Variants in TTN observed in about 807,000 individuals in gnomAD.
The protein encoded by TTN is titin.
In TTN, 1,525 loss-of-function variants were observed where a neutral mutation model predicts 3,223.0. The observed-to-expected ratio is 0.47, with a 90% confidence interval of 0.45 to 0.49. The LOEUF (loss-of-function observed/expected upper bound fraction) is 0.49. TTN is among the 20% of genes least tolerant of loss of function. The probability of loss-of-function intolerance (pLI) is 0.00; values close to 1 mark genes in which losing one functional copy is unlikely to be tolerated. For synonymous variants in TTN, 14,094 were observed against 15,161.0 expected (o/e 0.93, Z 5.17); for missense variants, 40,786 against 43,424.0 (o/e 0.94, Z 5.40).
Position 178,794,616 on chromosome 2 carries a change from C to T in TTN, c.1246-65G>A, listed in dbSNP as rs899982866. ...ACATGCCCAGTAGAAAATAAAAAAG[C>T]ATACTGGAAAACTGAGCCACCTAGA... is the stretch of plus-strand genomic sequence containing the variant. On this transcript the variant is annotated intron_variant, in intron 7 of 362. Transcript: ENST00000589042. The T allele has an allele frequency of 2.5e-6, 4 of 1,606,860 alleles. No homozygotes were observed. In the African/African-American group the frequency reaches 5.3e-5, roughly 21 times the overall value.
Position 178,634,293 on chromosome 2 carries a change from T to C in TTN, c.42415+73A>G. The C allele has an allele frequency of 3.2e-6, 5 of 1,544,798 alleles. No homozygotes were observed. The African/African-American group carries it at 7.0e-5, about 21-fold the overall frequency. On this transcript the variant is annotated intron_variant, in intron 230 of 362. Coordinates refer to ENST00000589042, the MANE Select transcript of TTN (RefSeq NM_001267550.2). The surrounding 1 kb of genome is among the most constrained non-coding windows in gnomAD (Gnocchi z 4.6). ...GATGCATTATCACAGCTTTTAGAAC[T>C]TGGCGTCCTATCTTTAAAGTCATAT...
rs561588883 is a variant in TTN at position 178,565,146 on chromosome 2, G to A, written c.80986C>T (p.Pro26996Ser). ...SADFVVISWE[P>S]PAYTGGCQIS... is the part of the protein sequence containing the mutation. ...TGGCAGCCACCAGTATAGGCTGGAG[G>A]TTCCCAAGATATGACTACAAAGTCT... Residue 26996 changes from proline (P) to serine (S), a missense_variant, in exon 326 of 363, where the codon CCT becomes TCT. Transcript: ENST00000589042. 2 of 1,613,366 alleles carry A rather than the reference G, an allele frequency of 1.2e-6. No individual in the cohort carries two copies. Among genetic ancestry groups the A allele is most frequent in the Non-Finnish European group, 8.5e-7 (1 of 1,179,564 alleles).
In TTN at chr2:178,595,348, A is replaced by G. The variant is rs575984427; in HGVS notation, c.57847+159T>C. 3.4e-4 allele frequency among the ~76,000 whole-genome samples: 51 copies of G among 152,202 alleles called. No individual in the cohort carries two copies. The South Asian group carries it at 0.011, about 32-fold the overall frequency. ...TATTTGTAAAATCTCTTTCACAATC[A>G]CTGTCCAAATACTACCAAATCAGAT... On this transcript the variant is annotated intron_variant, in intron 295 of 362. Coordinates refer to ENST00000589042, the MANE Select transcript of TTN (RefSeq NM_001267550.2).
rs543197876 is a variant in TTN, at chr2:178,712,032, C to G, written c.27798G>C (p.Gln9266His). The change falls in exon 96 of 363, where the codon CAG becomes CAC. Residue 9266 changes from glutamine to histidine, a missense_variant. By Grantham distance (24) the Gln-to-His change is conservative. Coordinates refer to ENST00000589042, the MANE Select transcript of TTN (RefSeq NM_001267550.2). ...ATTCTCCACTATCATTAATATCAAC[C>G]TGGTTGAAAACCAGTGTAGCAACAT... is the stretch of plus-strand genomic sequence containing the variant. ...RNNVATLVFN[Q>H]VDINDSGEYI... 4.3e-6 allele frequency: 7 copies of G among 1,613,776 alleles called. No homozygotes were observed. Among genetic ancestry groups the G allele is most frequent in the Non-Finnish European group, 5.9e-6 (7 of 1,179,762 alleles).
At chr2:178,641,370 A>G (rs2061212109) in intron 219 of TTN, 55 bp from the exon 220 acceptor site, 1 of 1,047,598 alleles carries the variant, frequency 9.5e-7, no homozygotes, top group Admixed American at 3.2e-5. Context: ...GAAGATGTTG[A>G]ATAAGCTTGA....
rs2076897331 is a variant in TTN at position 178,713,074 on chromosome 2, T to G, written c.27049+11A>C. The G allele has an allele frequency of 6.2e-7, 1 of 1,610,716 alleles. No homozygotes were observed. Among genetic ancestry groups the G allele is most frequent in the Admixed American group, 1.7e-5 (1 of 59,902 alleles). The stretch of plus-strand genomic sequence containing the variant: ...TGAAATGCAATTCATTTTACTGTTT[T>G]GTAAACTGACCTCTCACAGTCAAAG... On this transcript the variant is annotated intron_variant, in intron 93 of 362. Coordinates refer to ENST00000589042, the MANE Select transcript of TTN (RefSeq NM_001267550.2).
In TTN at chr2:178,558,397, G is replaced by A. The variant is rs1702326803; in HGVS notation, c.87062C>T (p.Ala29021Val). The A allele has an allele frequency of 1.2e-6, 2 of 1,613,736 alleles. No homozygotes were observed. The highest frequency in any genetic ancestry group is 4.5e-5 in the East Asian group (2 of 44,774). The change falls in exon 327 of 363, where the codon GCT becomes GTT. Residue 29021 changes from alanine (A) to valine (V), a missense_variant. Physicochemically the swap from Ala to Val is moderately conservative, Grantham distance 64 (BLOSUM62 0). Transcript: ENST00000589042. ...YFFRVFAENQ[A>V]GLSDPRELLL... is the part of the protein sequence containing the mutation. ...AAGCTCTCTCGGGTCACTCAGGCCAGCTTGATTTTCAGCAAACACTCGGAA... is the reference window on the plus strand; with the variant it reads ...AAGCTCTCTCGGGTCACTCAGGCCAACTTGATTTTCAGCAAACACTCGGAA...
Position 178,551,271 on chromosome 2 carries a change from A to G in TTN, c.91271-11T>C. 6.2e-7 allele frequency: 1 copy of G among 1,605,092 alleles called. No individual in the cohort carries two copies. Among genetic ancestry groups the G allele is most frequent in the South Asian group, 1.1e-5 (1 of 89,244 alleles). ...GAGTGCCAGGTGGGTCTAAAAAATT[A>G]TAAGGAAGGTAAATGCATCATTACA... On this transcript the variant is annotated splice_polypyrimidine_tract_variant and intron_variant, in intron 335 of 362. Transcript: ENST00000589042.
Position 178,669,365 on chromosome 2 carries a change from A to G in TTN, c.35545+8T>C. On this transcript the variant is annotated splice_region_variant and intron_variant, in intron 159 of 362. Coordinates refer to ENST00000589042, the MANE Select transcript of TTN (RefSeq NM_001267550.2). Reference sequence around the variant, plus strand: ...ACGAAAAAGAACCACTAATTTTTCTACACTCACTGTACATCTCTGTGTCTT... The same window carrying G: ...ACGAAAAAGAACCACTAATTTTTCTGCACTCACTGTACATCTCTGTGTCTT... 4 of 1,521,720 alleles carry G rather than the reference A, an allele frequency of 2.6e-6. No homozygotes were observed. Among genetic ancestry groups the G allele is most frequent in the Non-Finnish European group, 2.6e-6 (3 of 1,143,542 alleles). The allele number at this position is 1,521,720 out of a possible 1,614,324, so 94.3% of individuals were successfully genotyped here.
chr2:178,669,814 T>C lies in TTN; in HGVS notation c.35387-139A>G, dbSNP rs138631296. The C allele has an allele frequency of 8.2e-5, 66 of 806,420 alleles. No individual in the cohort carries two copies. In the East Asian group the frequency reaches 1.5e-3, roughly 18 times the overall value. The allele number at this position is 806,420 out of a possible 1,614,324, so 50.0% of individuals were successfully genotyped here. ...GTCAACTATAAGTCAAATGTAGTCA[T>C]TGCATTTCTCTGAATTGCTTTGTCG... On this transcript the variant is annotated intron_variant, in intron 157 of 362. Transcript: ENST00000589042.
intron 315 of TTN, 21 bp from the exon 316 acceptor site, chr2:178,581,825 G>T (rs776899356): frequency 6.3e-7 from 1 of 1,594,920 alleles, no homozygotes; most frequent in Non-Finnish European, 8.5e-7. Flanking sequence ...ATAATGATAG[G>T]AAATTTTCAT....
rs753536718 is a variant in TTN at position 178,774,094 on chromosome 2, G to C, written c.7074C>G (p.Ile2358Met). The part of the protein sequence containing the change: ...KLKMKPRPIA[I>M]LQGLSDQKVC... The stretch of plus-strand genomic sequence containing the variant: ...CTTTTTGGTCACTAAGTCCTTGTAG[G>C]ATAGCAATGGGGCGGGCTGTGAAAT... The change falls in exon 31 of 363, where the codon ATC becomes ATG. Residue 2358 changes from isoleucine (I) to methionine (M), a missense_variant. Physicochemically the swap from Ile to Met is conservative, Grantham distance 10. Transcript: ENST00000589042. The C allele has an allele frequency of 6.2e-7, 1 of 1,614,040 alleles. No homozygotes were observed. Among genetic ancestry groups the C allele is most frequent in the South Asian group, 1.1e-5 (1 of 91,078 alleles).
intron 131 of TTN, 39 bp downstream of exon 131, chr2:178,684,627 C>G: frequency 2.5e-6 from 4 of 1,577,038 alleles, no homozygotes; most frequent in Non-Finnish European, 3.5e-6. Flanking sequence ...AAAGACAAGC[C>G]ATATGTTCCT....
At chr2:178,730,021 T>TCCCCCCCCCCCGCCCCC in intron 62 of TTN, 72 bp downstream of exon 62, 3 of 1,558,116 alleles carry the variant, frequency 1.9e-6, no homozygotes, top group African/African-American at 1.4e-5. Flanking sequence ...GTCTTAAGCG[T>TCCCCCCCCCCCGCCCCC]CCCCCGCCCC....
chr2:178,550,240 A>T lies in TTN; in HGVS notation c.91598T>A (p.Phe30533Tyr). 1 of 1,613,330 alleles carries T rather than the reference A, an allele frequency of 6.2e-7. No homozygotes were observed. The highest frequency in any genetic ancestry group is 8.5e-7 in the Non-Finnish European group (1 of 1,179,536). The change falls in exon 337 of 363, where the codon TTT (phenylalanine) becomes TAT (tyrosine). Residue 30533 changes from phenylalanine to tyrosine, a missense_variant. By Grantham distance (22) the Phe-to-Tyr change is conservative (BLOSUM62 3). Transcript: ENST00000589042. ...PPIVEFGPEY[F>Y]DGLIIKSGES... is the part of the protein sequence containing the mutation. ...TCCGGACTTAATAATGAGACCATCAAAGTATTCAGGGCCAAACTCTACTAT... is the reference window on the plus strand; with the variant it reads ...TCCGGACTTAATAATGAGACCATCATAGTATTCAGGGCCAAACTCTACTAT...
In TTN at chr2:178,773,339, A is replaced by G; in HGVS notation, c.7625T>C (p.Leu2542Pro). ...KIKIIRGLRD[L>P]TCTETQNVVF... ...CACATTTTGAGTTTCTGTACAGGTA[A>G]GGTCACGAAGACCTCTGATAATTTT... Residue 2542 changes from leucine (L) to proline (P), a missense_variant, in exon 33 of 363, where the codon CTT becomes CCT. Physicochemically the swap from Leu to Pro is moderately conservative, Grantham distance 98 (BLOSUM62 -3). Transcript: ENST00000589042. 1 of 1,614,014 alleles carries G rather than the reference A, an allele frequency of 6.2e-7. No homozygotes were observed. The highest frequency in any genetic ancestry group is 8.5e-7 in the Non-Finnish European group (1 of 1,179,984).
intron 24 of TTN, chr2:178,778,583 A>G (rs1362142267): frequency 4.8e-6 from 2 of 420,332 alleles, no homozygotes; most frequent in East Asian, 5.2e-5. Context: ...TTTTTATTGC[A>G]GGGCTGTTGT....
At position 178,578,002 on chromosome 2, in the gene TTN, G is replaced by A. The variant is rs372075439; in HGVS notation, c.68513C>T (p.Ala22838Val). ...TAATGACTTACCAATTGGGTCCAGTGCCACAACAGGCTCTGATGGTAGGCT... is the reference window on the plus strand; with the variant it reads ...TAATGACTTACCAATTGGGTCCAGTACCACAACAGGCTCTGATGGTAGGCT... Reference protein sequence around the residue: ...KPSLPSEPVVALDPIDPPGKP... With the variant: ...KPSLPSEPVVVLDPIDPPGKP... The change falls in exon 322 of 363, where the codon GCA becomes GTA. Residue 22838 changes from alanine (A) to valine (V), a missense_variant. Transcript: ENST00000589042. 1.9e-5 allele frequency: 31 copies of A among 1,612,870 alleles called. No homozygotes were observed. In the African/African-American group the frequency reaches 3.9e-4, roughly 20 times the overall value.
intron 217 of TTN, 199 bp downstream of exon 217, chr2:178,645,721 T>C (rs2061834064): frequency 2.6e-6 from 1 of 390,554 alleles, no homozygotes; most frequent in South Asian, 6.7e-5. Flanking sequence ...TTTCTGACTT[T>C]TGCAGCAGCA....
Sources: gnomAD v4.1 joint callset for allele counts (sites outside exome capture counted in the v4.1 genomes callset) on GRCh38, gnomAD v4.1.1 for gene constraint, Gnocchi (gnomAD v3.1) non-coding constraint, MANE v1.5 for transcripts, NCBI Gene and HGNC (gene_info 2026-07-23, HGNC 2026-07-21) for gene names.